The following BCO1 variants were observed in gnomAD, a reference collection of about 807,000 sequenced individuals.
BCO1 encodes beta-carotene oxygenase 1.
Under a neutral mutation model 56.3 loss-of-function variants are expected in BCO1, and 54 were observed. The ratio of observed to expected loss-of-function variants is 0.96; its 90% confidence interval spans 0.77 to 1.20. The LOEUF (loss-of-function observed/expected upper bound fraction) is 1.20, where lower values mean the gene tolerates loss of function less well. Ranked by LOEUF, BCO1 falls within the 50% of genes most tolerant of loss-of-function variation. The pLI, the probability that BCO1 is intolerant of heterozygous loss-of-function variation, is 0.00. For missense variants in BCO1, 801 were observed against 690.9 expected (o/e 1.16, Z -1.79); for synonymous variants, 318 against 266.1 (o/e 1.20, Z -1.90).
intron 7 of BCO1, among the ~76,000 whole-genome samples, chr16:81,278,964 T>C (rs1907712277): frequency 6.6e-6 from 1 of 151,476 alleles, no homozygotes; most frequent in African/African-American, 2.4e-5. Context: ...ATCCCTAAAA[T>C]AGGTTGGTTT....
intron 2 of BCO1, among the ~76,000 whole-genome samples, chr16:81,251,872 A>ATGTGTGTGTGTG (rs773100922): frequency 2.6e-5 from 3 of 117,280 alleles, no homozygotes; most frequent in African/African-American, 1.3e-4. Flanking sequence ...ACACACACAT[A>ATGTGTGTGTGTG]TATGTGTGTG....
At chr16:81,255,351 C>T (rs563008574) in intron 2 of BCO1, among the ~76,000 whole-genome samples, 16 of 152,166 alleles carry the variant, frequency 1.1e-4, no homozygotes, top group Non-Finnish European at 2.4e-4. Flanking sequence ...CTCTGTGCCT[C>T]AATTTTATTA....
At chr16:81,289,378 C>A (rs1908342616) in intron 10 of BCO1, among the ~76,000 whole-genome samples, 1 of 152,162 alleles carries the variant, frequency 6.6e-6, no homozygotes, top group Admixed American at 6.6e-5. Context: ...TGCGGTGGTT[C>A]ATGCCTGTAA....
At position 81,278,127 on chromosome 16, in the gene BCO1, C is replaced by T. The variant is rs138759743; in HGVS notation, c.1102-2730C>T. Among the ~76,000 whole-genome samples, 24 of 152,186 alleles carry T rather than the reference C, an allele frequency of 1.6e-4. 1 individual carries two copies. In the East Asian group the frequency reaches 4.3e-3, roughly 27 times the overall value. ...CGCGATCTCGGCTCATTGCAACCTC[C>T]GCCTCCCAGGTTCAAGCGATTCTCC... is the stretch of plus-strand genomic sequence containing the variant. On this transcript the variant is annotated intron_variant, in intron 7 of 10. Transcript: ENST00000258168.
intron 8 of BCO1, 38 bp downstream of exon 8, chr16:81,281,000 G>T (rs780174679): frequency 2.0e-5 from 30 of 1,500,402 alleles, no homozygotes; most frequent in Non-Finnish European, 2.6e-5. Context: ...TAGGAAAGGG[G>T]CAGATTTTCA....
Position 81,290,434 on chromosome 16 carries a change from G to A in BCO1, c.1501G>A (p.Ala501Thr). ...ILDAKSFTEL[A>T]RASVDVDMHM... is the part of the protein sequence containing the mutation. The stretch of plus-strand genomic sequence containing the variant: ...GGATGCCAAAAGCTTTACGGAATTG[G>A]CCCGTGCCTCTGTTGATGTCGATAT... Residue 501 changes from alanine to threonine, a missense_variant, in exon 11 of 11, where the codon GCC becomes ACC. Physicochemically the swap from Ala to Thr is moderately conservative, Grantham distance 58. Coordinates refer to ENST00000258168, the MANE Select transcript of BCO1 (RefSeq NM_017429.3). 6.2e-7 allele frequency: 1 copy of A among 1,614,152 alleles called. No individual in the cohort carries two copies. Among genetic ancestry groups the A allele is most frequent in the Admixed American group, 1.7e-5 (1 of 60,020 alleles).
chr16:81,269,302 T>C lies in BCO1; in HGVS notation c.844-857T>C, dbSNP rs1907038274. 3.4e-5 allele frequency among the ~76,000 whole-genome samples: 4 copies of C among 117,756 alleles called. No homozygotes were observed. In the South Asian group the frequency reaches 9.9e-4, roughly 29 times the overall value. The allele number at this position is 117,756 out of a possible 152,430, so 77.3% of individuals were successfully genotyped here. ...CCTTCACGTGCACTTTTAGTTTTTC[T>C]TTTTTTTTTTTTTCAGATAGAGTCT... On this transcript the variant is annotated intron_variant, in intron 6 of 10. Coordinates refer to ENST00000258168, the MANE Select transcript of BCO1 (RefSeq NM_017429.3).
intron 1 of BCO1, among the ~76,000 whole-genome samples, chr16:81,243,780 C>G (rs761443136): frequency 1.3e-5 from 2 of 152,110 alleles, no homozygotes; most frequent in Non-Finnish European, 2.9e-5. Flanking sequence ...TGGTTTTGGT[C>G]TTCTTGTTTT....
intron 4 of BCO1, chr16:81,262,516 CA>C (rs1906552290): frequency 3.8e-6 from 2 of 526,986 alleles, no homozygotes; most frequent in Non-Finnish European, 6.9e-6. Context: ...CCAAGTCCTA[CA>C]AAAAAGATTG....
intron 7 of BCO1, among the ~76,000 whole-genome samples, chr16:81,276,261 G>C (rs1162935470): frequency 2.0e-5 from 3 of 152,228 alleles, no homozygotes; most frequent in South Asian, 2.1e-4. Flanking sequence ...TGTGGTCCAG[G>C]CTTTCTTTCT....
intron 7 of BCO1, among the ~76,000 whole-genome samples, chr16:81,278,631 G>T (rs1036608630): frequency 6.6e-6 from 1 of 152,184 alleles, no homozygotes; most frequent in Admixed American, 6.6e-5. Context: ...GTGCCTTGGA[G>T]ACACTGCAGA....
intron 2 of BCO1, among the ~76,000 whole-genome samples, chr16:81,251,852 G>GCACACACACA (rs747747653): frequency 1.4e-5 from 2 of 140,866 alleles, no homozygotes; most frequent in Non-Finnish European, 3.1e-5. Context: ...ACACACACAC[G>GCACACACACA]CACACACACA....
rs1904971577 is a variant in BCO1 at position 81,238,747 on chromosome 16, GA to G, written c.-157del. 5 of 719,462 alleles carry G rather than the reference GA, an allele frequency of 6.9e-6. No homozygotes were observed. The highest frequency in any genetic ancestry group is 3.5e-5 in the African/African-American group (2 of 56,886). The allele number at this position is 719,462 out of a possible 1,614,324, so 44.6% of individuals were successfully genotyped here. On this transcript the variant is annotated 5_prime_UTR_variant, in exon 1 of 11. Coordinates refer to ENST00000258168, the MANE Select transcript of BCO1 (RefSeq NM_017429.3). ...GGACAAGTGAGAGCCAGCCAAAAAG[GA>G]AAAAGCAAAGGCAGAAACGGCATCA...
In BCO1 at chr16:81,249,701, G is replaced by A. The variant is rs114977486; in HGVS notation, c.193+4098G>A. On this transcript the variant is annotated intron_variant, in intron 2 of 10. Coordinates refer to ENST00000258168, the MANE Select transcript of BCO1 (RefSeq NM_017429.3). ...CAGGCGTGAGCCACCGCGCCCGGCC[G>A]AGTCAGTTTTATTCACAATCTGGCA... Among the ~76,000 whole-genome samples the A allele has an allele frequency of 5.7e-3, 862 of 152,232 alleles. 9 individuals carry two copies. Among genetic ancestry groups the A allele is most frequent in the African/African-American group, 0.02 (827 of 41,528 alleles).
At position 81,251,519 on chromosome 16, in the gene BCO1, C is replaced by T. The variant is rs938439697; in HGVS notation, c.193+5916C>T. On this transcript the variant is annotated intron_variant, in intron 2 of 10. Coordinates refer to ENST00000258168, the MANE Select transcript of BCO1 (RefSeq NM_017429.3). ...AGGCTGCAGTGAGCCGAGATCACAC[C>T]TCTGCACTCCATCCTGGGTGACAGA... Among the ~76,000 whole-genome samples the T allele has an allele frequency of 2.0e-5, 3 of 152,090 alleles. No individual in the cohort carries two copies. The South Asian group carries it at 6.2e-4, about 32-fold the overall frequency.
At chr16:81,268,594 C>T (rs139429618) in intron 6 of BCO1, among the ~76,000 whole-genome samples, 113 of 152,296 alleles carry the variant, frequency 7.4e-4, no homozygotes, top group African/African-American at 2.6e-3. Context: ...GAAACCTCTC[C>T]TTCCATTCAG....
chr16:81,246,489 A>C (rs1028282526), intron 2 of BCO1, among the ~76,000 whole-genome samples: 3 of 152,052 alleles, frequency 2.0e-5, no homozygotes, highest in African/African-American at 7.2e-5. Context: ...ATACATCCTC[A>C]ATCAGGTAGG....
chr16:81,245,460 T>C lies in BCO1; in HGVS notation c.65-15T>C. ...CAGGTGGAAACGGGAAACTAAACAT[T>C]CTCTCTTTTCTCAGGCAAGATTCCA... On this transcript the variant is annotated splice_polypyrimidine_tract_variant and intron_variant, in intron 1 of 10. Transcript: ENST00000258168. 1.2e-6 allele frequency: 2 copies of C among 1,614,128 alleles called. No individual in the cohort carries two copies. Among genetic ancestry groups the C allele is most frequent in the Non-Finnish European group, 8.5e-7 (1 of 1,180,022 alleles).
intron 7 of BCO1, among the ~76,000 whole-genome samples, chr16:81,276,458 C>T (rs978676312): frequency 1.3e-5 from 2 of 152,188 alleles, no homozygotes; most frequent in South Asian, 4.1e-4. Flanking sequence ...CTGTTCCTGC[C>T]ACAGGCCCAT....
Sources: allele counts gnomAD v4.1 joint callset (sites outside exome capture counted in the v4.1 genomes callset), GRCh38; gene constraint gnomAD v4.1.1; transcripts MANE v1.5; gene names NCBI Gene and HGNC (gene_info 2026-07-23, HGNC 2026-07-21).